Variants in KIAA1671 observed in about 807,000 individuals in gnomAD.
KIAA1671 encodes the protein uncharacterized protein KIAA1671.
In KIAA1671, 52 loss-of-function variants were observed where a neutral mutation model predicts 131.2. That is an observed-to-expected ratio of 0.40 (90% CI 0.32 to 0.50). The LOEUF is 0.50. Ranked by LOEUF, KIAA1671 falls within the 20% of genes least tolerant of loss-of-function variation. The probability of loss-of-function intolerance (pLI) is 0.73; values close to 1 mark genes in which losing one functional copy is unlikely to be tolerated. For missense variants in KIAA1671, 2,360 were observed against 2,364.2 expected (o/e 1.00, Z 0.04); for synonymous variants, 1,003 against 961.6 (o/e 1.04, Z -0.80).
intron 1 of KIAA1671, among the ~76,000 whole-genome samples, chr22:24,975,316 T>C (rs1336398397): frequency 6.6e-6 from 1 of 152,144 alleles, no homozygotes; most frequent in Non-Finnish European, 1.5e-5. Context: ...GATTCTTTTT[T>C]TTTTTTTCAG....
intron 6 of KIAA1671, among the ~76,000 whole-genome samples, chr22:25,137,967 T>C (rs1343206620): frequency 1.3e-5 from 2 of 152,200 alleles, no homozygotes; most frequent in African/African-American, 4.8e-5. Flanking sequence ...CACTTAAATA[T>C]GCCAAGTGAA....
intron 1 of KIAA1671, among the ~76,000 whole-genome samples, chr22:24,959,339 C>T (rs1216503604): frequency 6.6e-6 from 1 of 151,372 alleles, no homozygotes; most frequent in African/African-American, 2.4e-5. Context: ...AACCCCATCT[C>T]TACTAAAAAA....
intron 3 of KIAA1671, among the ~76,000 whole-genome samples, chr22:25,030,380 C>A (rs907857760): frequency 6.6e-6 from 1 of 151,918 alleles, no homozygotes; most frequent in Non-Finnish European, 1.5e-5. Context: ...ACTAAAAATA[C>A]AAAAATTAGC....
intron 6 of KIAA1671, among the ~76,000 whole-genome samples, chr22:25,092,835 C>T (rs150042767): frequency 6.6e-6 from 1 of 151,976 alleles, no homozygotes; most frequent in East Asian, 1.9e-4. Flanking sequence ...GGAGCTGTTG[C>T]GAGTTGGTGG....
intron 6 of KIAA1671, among the ~76,000 whole-genome samples, chr22:25,092,469 T>G (rs1172985486): frequency 6.6e-6 from 1 of 152,208 alleles, no homozygotes; most frequent in African/African-American, 2.4e-5. Flanking sequence ...GAGTTTATTC[T>G]GGCTGTAGTG....
chr22:25,138,441 A>G (rs553218947), intron 6 of KIAA1671, among the ~76,000 whole-genome samples: 1 of 152,364 alleles, frequency 6.6e-6, no homozygotes, highest in South Asian at 2.1e-4. Context: ...GCCTTGCAGT[A>G]TGGTCTGCCT....
intron 1 of KIAA1671, 82 bp from the exon 2 acceptor site, chr22:25,025,551 T>G (rs1054384901): frequency 6.6e-6 from 1 of 152,130 alleles, no homozygotes; most frequent in African/African-American, 2.4e-5. Context: ...GCGGATGCAT[T>G]TGGAGCTTGA....
At chr22:25,017,065 G>A (rs1296258015) in intron 1 of KIAA1671, among the ~76,000 whole-genome samples, 1 of 152,226 alleles carries the variant, frequency 6.6e-6, no homozygotes. Flanking sequence ...GTAACTTCTG[G>A]GTTGTCAGGT....
intron 1 of KIAA1671, among the ~76,000 whole-genome samples, chr22:24,958,454 A>G (rs1921833567): frequency 6.6e-6 from 1 of 151,998 alleles, no homozygotes; most frequent in African/African-American, 2.4e-5. Context: ...GTTCGAGAGC[A>G]GCCTGGCCAA....
chr22:25,083,407 G>A (rs142076345), intron 6 of KIAA1671, among the ~76,000 whole-genome samples: 4 of 147,762 alleles, frequency 2.7e-5, no homozygotes, highest in Non-Finnish European at 4.4e-5. Context: ...GTACTAGGGG[G>A]TTAGGGCTTC....
At chr22:25,183,135 G>T (rs1304951253) in intron 10 of KIAA1671, among the ~76,000 whole-genome samples, 1 of 152,194 alleles carries the variant, frequency 6.6e-6, no homozygotes, top group Admixed American at 6.5e-5. Flanking sequence ...GCAAAAGGTA[G>T]CTCTTCGTTC....
chr22:25,064,942 C>T (rs1277402908), intron 6 of KIAA1671: 1 of 152,214 alleles, frequency 6.6e-6, no homozygotes, highest in Non-Finnish European at 1.5e-5. Flanking sequence ...GTGAGGAAGA[C>T]AGGCCATCCT....
intron 6 of KIAA1671, among the ~76,000 whole-genome samples, chr22:25,150,296 G>T (rs575998754): frequency 3.6e-4 from 55 of 152,334 alleles, no homozygotes; most frequent in Admixed American, 3.2e-3. Flanking sequence ...GCCTAAGAGG[G>T]TGGCTGCTTT....
At chr22:25,154,701 G>A (rs1933168924) in intron 6 of KIAA1671, among the ~76,000 whole-genome samples, 1 of 152,144 alleles carries the variant, frequency 6.6e-6, no homozygotes, top group African/African-American at 2.4e-5. Context: ...CATCAACAAA[G>A]GACTCTCCTT....
At chr22:25,123,630 C>T (rs1932049588) in intron 6 of KIAA1671, among the ~76,000 whole-genome samples, 1 of 152,142 alleles carries the variant, frequency 6.6e-6, no homozygotes, top group Non-Finnish European at 1.5e-5. Flanking sequence ...GGAACTGAAG[C>T]CTCCAGTCCA....
At chr22:24,972,265 T>TTACC (rs1387836398) in intron 1 of KIAA1671, among the ~76,000 whole-genome samples, 4 of 152,188 alleles carry the variant, frequency 2.6e-5, no homozygotes, top group African/African-American at 9.7e-5. Context: ...TTTATATGGT[T>TTACC]TACCTTATTT....
intron 4 of KIAA1671, among the ~76,000 whole-genome samples, chr22:25,038,177 T>G (rs1473781991): frequency 1.3e-5 from 2 of 152,130 alleles, no homozygotes; most frequent in African/African-American, 4.8e-5. Flanking sequence ...TTATTTTATT[T>G]TTTTGGTGTA....
chr22:24,953,845 T>G (rs545026363), intron 1 of KIAA1671, among the ~76,000 whole-genome samples: 7 of 152,152 alleles, frequency 4.6e-5, no homozygotes, highest in Admixed American at 3.3e-4. Flanking sequence ...CCATTATCTT[T>G]TGGAAGGGAA....
At chr22:25,167,249 T>C (rs1933676451) in intron 6 of KIAA1671, among the ~76,000 whole-genome samples, 1 of 152,238 alleles carries the variant, frequency 6.6e-6, no homozygotes, top group Non-Finnish European at 1.5e-5. Flanking sequence ...GCCCGTAGGC[T>C]TGGAAGTTAG....
Sources: allele counts gnomAD v4.1 joint callset (sites outside exome capture counted in the v4.1 genomes callset), GRCh38; gene constraint gnomAD v4.1.1; transcripts MANE v1.5; gene names NCBI Gene and HGNC (gene_info 2026-07-23, HGNC 2026-07-21).